YPEL2: variants seen among roughly 807,000 people sequenced by gnomAD.
YPEL2 encodes the protein protein yippee-like 2.
A neutral mutation model predicts 19.1 loss-of-function variants in YPEL2; 2 were observed. That is an observed-to-expected ratio of 0.10 (90% CI 0.04 to 0.33). The LOEUF is 0.33. Ranked by LOEUF, YPEL2 falls within the 10% of genes least tolerant of loss-of-function variation. YPEL2 has a pLI of 1.00. For synonymous variants in YPEL2, 52 were observed against 50.0 expected (o/e 1.04, Z -0.17); for missense variants, 66 against 140.7 (o/e 0.47, Z 2.68).
chr17:59,366,782 G>A (rs2047871983), intron 2 of YPEL2, among the ~76,000 whole-genome samples: 2 of 152,232 alleles, frequency 1.3e-5, no homozygotes, highest in Admixed American at 6.5e-5. Context: ...GGAAGCCTGA[G>A]GAGAGAGGAA....
rs1207471353 is a variant in YPEL2 at position 59,401,511 on chromosome 17, C to T, written c.*4321C>T. ...ATCTGTCTATTTATGCTTGTGTTTA[C>T]AAACTGTATTTGTTGGGTTTGGGTT... On this transcript the variant is annotated 3_prime_UTR_variant, in exon 5 of 5. Transcript: ENST00000312655. 1.3e-5 allele frequency: 2 copies of T among 152,570 alleles called. No individual in the cohort carries two copies. Among genetic ancestry groups the T allele is most frequent in the Non-Finnish European group, 2.9e-5 (2 of 68,020 alleles). The allele number at this position is 152,570 out of a possible 1,614,324, so 9.5% of individuals were successfully genotyped here.
At chr17:59,385,947 C>T (rs2047977796) in intron 2 of YPEL2, among the ~76,000 whole-genome samples, 1 of 152,174 alleles carries the variant, frequency 6.6e-6, no homozygotes, top group Admixed American at 6.5e-5. Context: ...AGACATGGCG[C>T]ACACCTTCAG....
At chr17:59,345,228 G>A (rs569875599) in intron 1 of YPEL2, 3 of 152,172 alleles carry the variant, frequency 2.0e-5, no homozygotes, top group African/African-American at 7.2e-5. Context: ...AGATCATGTA[G>A]GATTATCATC....
intron 2 of YPEL2, among the ~76,000 whole-genome samples, chr17:59,374,313 A>G (rs2047910093): frequency 6.6e-6 from 1 of 152,214 alleles, no homozygotes; most frequent in Non-Finnish European, 1.5e-5. Flanking sequence ...TTATATGCCC[A>G]TGTCTCTTTC....
Position 59,348,446 on chromosome 17 carries a change from G to A in YPEL2, c.-195-4769G>A, listed in dbSNP as rs562213187. 1.7e-4 allele frequency among the ~76,000 whole-genome samples: 26 copies of A among 152,338 alleles called. No homozygotes were observed. In the East Asian group the frequency reaches 2.5e-3, roughly 15 times the overall value. On this transcript the variant is annotated intron_variant, in intron 1 of 4. Coordinates refer to ENST00000312655, the MANE Select transcript of YPEL2 (RefSeq NM_001005404.4). ...AGAAGGTTCTGTTTTGAGTTCCAGC[G>A]GCAGTTACTCCCTTTTGGGGAAGGC... is the stretch of plus-strand genomic sequence containing the variant.
At chr17:59,349,358 C>CTTTTTTTTTTTTTTT (rs58304283) in intron 1 of YPEL2, among the ~76,000 whole-genome samples, 2 of 119,212 alleles carry the variant, frequency 1.7e-5, no homozygotes, top group African/African-American at 3.3e-5. Context: ...CCTTTTTTTT[C>CTTTTTTTTTTTTTTT]TTTTTTTTTT....
chr17:59,368,122 T>C (rs1449943727), intron 2 of YPEL2, among the ~76,000 whole-genome samples: 5 of 152,156 alleles, frequency 3.3e-5, no homozygotes, highest in Non-Finnish European at 7.3e-5. Context: ...CTCACTCTGT[T>C]GCCCAGGCTA....
chr17:59,346,169 C>G (rs1470326060), intron 1 of YPEL2, among the ~76,000 whole-genome samples: 1 of 152,194 alleles, frequency 6.6e-6, no homozygotes, highest in Non-Finnish European at 1.5e-5. Flanking sequence ...AAGTAGCTTG[C>G]CTCCTCCTTT....
intron 2 of YPEL2, chr17:59,355,267 A>C (rs1048582099): frequency 6.6e-6 from 1 of 152,252 alleles, no homozygotes; most frequent in African/African-American, 2.4e-5. Flanking sequence ...TCAGAGGTTC[A>C]GAGAAGAGTG....
chr17:59,348,973 T>C (rs1422027166), intron 1 of YPEL2, among the ~76,000 whole-genome samples: 1 of 151,892 alleles, frequency 6.6e-6, no homozygotes, highest in Non-Finnish European at 1.5e-5. Flanking sequence ...GATCATGAGG[T>C]CAGGAGATCG....
intron 2 of YPEL2, among the ~76,000 whole-genome samples, chr17:59,370,736 C>T (rs528889630): frequency 2.7e-5 from 4 of 150,418 alleles, no homozygotes; most frequent in East Asian, 2.0e-4. Context: ...GCTGGCCCAT[C>T]GAGCCATGGC....
At chr17:59,370,717 A>G (rs963277038) in intron 2 of YPEL2, among the ~76,000 whole-genome samples, 6 of 152,002 alleles carry the variant, frequency 3.9e-5, no homozygotes, top group Non-Finnish European at 7.3e-5. Context: ...GTTTGTTTCA[A>G]TAGGGTTTGC....
Position 59,391,517 on chromosome 17 carries a change from TA to T in YPEL2, c.270+2060del, listed in dbSNP as rs111605663. Among the ~76,000 whole-genome samples the T allele has an allele frequency of 2.4e-3, 348 of 147,644 alleles. 1 individual carries two copies. The highest frequency in any genetic ancestry group is 7.9e-3 in the African/African-American group (320 of 40,456). On this transcript the variant is annotated intron_variant, in intron 4 of 4. Coordinates refer to ENST00000312655, the MANE Select transcript of YPEL2 (RefSeq NM_001005404.4). ...AATAGTTTGAAAATGTGGAAATCAT[TA>T]AAAAAAAAAATTGTCCCAGGTGGAG...
chr17:59,352,883 A>G (rs555798124), intron 1 of YPEL2, among the ~76,000 whole-genome samples: 2 of 152,114 alleles, frequency 1.3e-5, no homozygotes, highest in African/African-American at 4.8e-5. Context: ...GTCCCTGAGG[A>G]GTCCTCTCCC....
In YPEL2 at chr17:59,388,105, T is replaced by C. The variant is rs563509154; in HGVS notation, c.118-222T>C. ...GTTTTTTTCATTTTCTCACCTGGGC[T>C]AGTGAAAACAGTCCGGTGGGCCAGA... On this transcript the variant is annotated intron_variant, in intron 2 of 4. Coordinates refer to ENST00000312655, the MANE Select transcript of YPEL2 (RefSeq NM_001005404.4). Among the ~76,000 whole-genome samples the C allele has an allele frequency of 3.4e-4, 52 of 152,346 alleles. 1 individual carries two copies. The highest frequency in any genetic ancestry group is 1.2e-3 in the African/African-American group (51 of 41,578).
At chr17:59,379,327 C>A (rs80122891) in intron 2 of YPEL2, among the ~76,000 whole-genome samples, 1 of 152,206 alleles carries the variant, frequency 6.6e-6, no homozygotes, top group African/African-American at 2.4e-5. Flanking sequence ...TACTTTGACC[C>A]AATATAGGAA....
intron 2 of YPEL2, among the ~76,000 whole-genome samples, chr17:59,379,962 G>T (rs533364714): frequency 2.0e-5 from 3 of 151,504 alleles, no homozygotes; most frequent in Non-Finnish European, 4.4e-5. Flanking sequence ...CCGGGTTCAC[G>T]TGATTTTCCT....
intron 1 of YPEL2, among the ~76,000 whole-genome samples, chr17:59,336,937 A>G (rs1162911183): frequency 2.6e-5 from 4 of 152,334 alleles, no homozygotes; most frequent in South Asian, 2.1e-4. Context: ...CGAGTTTTCT[A>G]TCTGCTCCTG....
chr17:59,386,250 C>G (rs111372907), intron 2 of YPEL2, among the ~76,000 whole-genome samples: 74 of 151,424 alleles, frequency 4.9e-4, no homozygotes, highest in Admixed American at 2.5e-3. Flanking sequence ...TCGCTTGAGC[C>G]CAGAAGGTGG....
Sources: gnomAD v4.1 joint callset for allele counts (sites outside exome capture counted in the v4.1 genomes callset) on GRCh38, gnomAD v4.1.1 for gene constraint, MANE v1.5 for transcripts, NCBI Gene and HGNC (gene_info 2026-07-23, HGNC 2026-07-21) for gene names.